Variants in CNPY1 observed in about 807,000 individuals in gnomAD.
CNPY1 encodes canopy FGF signaling regulator 1.
CNPY1 carries 14 observed loss-of-function variants against 14.4 expected under a neutral mutation model. That is an observed-to-expected ratio of 0.97 (90% CI 0.64 to 1.52). The LOEUF is 1.52. Ranked by LOEUF, CNPY1 falls within the 40% of genes most tolerant of loss-of-function variation. The probability of loss-of-function intolerance (pLI) is 0.00; values close to 1 mark genes in which losing one functional copy is unlikely to be tolerated. For missense variants in CNPY1, 129 were observed against 131.5 expected (o/e 0.98, Z 0.09); for synonymous variants, 43 against 46.5 (o/e 0.92, Z 0.31).
intron 2 of CNPY1, among the ~76,000 whole-genome samples, chr7:155,537,856 C>A (rs1453528834): frequency 6.6e-6 from 1 of 151,912 alleles, no homozygotes; most frequent in Non-Finnish European, 1.5e-5. Context: ...TAAAAAAAAA[C>A]CTTCAAAACT....
intron 2 of CNPY1, 33 bp downstream of exon 2, chr7:155,545,798 T>C (rs1797150332): frequency 7.5e-6 from 3 of 398,388 alleles, no homozygotes; most frequent in Non-Finnish European, 1.3e-5. Flanking sequence ...ATATCCGCAA[T>C]TATACACTGG....
intron 2 of CNPY1, among the ~76,000 whole-genome samples, chr7:155,540,736 T>C (rs1232173487): frequency 1.3e-5 from 2 of 152,364 alleles, no homozygotes; most frequent in East Asian, 1.9e-4. Flanking sequence ...CTGGTCATCC[T>C]GTATCCAGTG....
At chr7:155,508,837 G>A in intron 3 of CNPY1, 57 bp downstream of exon 3, 1 of 1,572,138 alleles carries the variant, frequency 6.4e-7, no homozygotes. Context: ...CAACAAAAAA[G>A]AGTTCCAAAA....
chr7:155,516,063 T>C (rs1275964168), intron 2 of CNPY1, among the ~76,000 whole-genome samples: 4 of 152,092 alleles, frequency 2.6e-5, no homozygotes, highest in Admixed American at 6.5e-5. Context: ...ATGCACCCTG[T>C]CTATTGCTTT....
rs1472154273 is a variant in CNPY1 at position 155,523,208 on chromosome 7, G to C, written c.100-14111C>G. ...AGATGCATTATGTATTTAGACTTTT[G>C]TGCAGCATCTAATACCAGGCTTGGG... On this transcript the variant is annotated intron_variant, in intron 2 of 4. Coordinates refer to ENST00000636446, the MANE Select transcript of CNPY1 (RefSeq NM_001393663.1). Among the ~76,000 whole-genome samples, 5 of 152,172 alleles carry C rather than the reference G, an allele frequency of 3.3e-5. No homozygotes were observed. In the East Asian group the frequency reaches 9.6e-4, roughly 29 times the overall value.
intron 2 of CNPY1, among the ~76,000 whole-genome samples, chr7:155,531,731 C>T (rs1024319126): frequency 6.6e-6 from 1 of 152,226 alleles, no homozygotes; most frequent in Non-Finnish European, 1.5e-5. Flanking sequence ...TCACACCAGG[C>T]AGACAGCAAA....
intron 2 of CNPY1, among the ~76,000 whole-genome samples, chr7:155,513,417 T>C (rs1048943672): frequency 1.3e-5 from 2 of 152,178 alleles, no homozygotes; most frequent in Non-Finnish European, 2.9e-5. Context: ...CCATAAGACC[T>C]TGGGGGGAAA....
chr7:155,513,613 C>CA (rs11463414), intron 2 of CNPY1, among the ~76,000 whole-genome samples: 38,465 of 144,968 alleles, frequency 0.27, 5,415 homozygotes, highest in East Asian at 0.46. Flanking sequence ...TTAGGTTGTT[C>CA]AAAAAAAAAA....
chr7:155,534,296 C>A (rs1440794922), intron 2 of CNPY1, among the ~76,000 whole-genome samples: 2 of 152,082 alleles, frequency 1.3e-5, no homozygotes, highest in Admixed American at 1.3e-4. Context: ...CACACACACT[C>A]ACACGTGCAT....
At chr7:155,510,174 G>C (rs1796491988) in intron 2 of CNPY1, 3 of 152,250 alleles carry the variant, frequency 2.0e-5, no homozygotes, top group Non-Finnish European at 1.5e-5. Context: ...AACCCTTCCG[G>C]TGCCAGCGGC....
chr7:155,544,159 G>T (rs901090205), intron 2 of CNPY1, among the ~76,000 whole-genome samples: 6 of 152,104 alleles, frequency 3.9e-5, no homozygotes, highest in African/African-American at 1.5e-4. Context: ...AAGGTACAAG[G>T]TGCTGCCATC....
At chr7:155,530,845 C>A (rs552600271) in intron 2 of CNPY1, among the ~76,000 whole-genome samples, 2 of 152,348 alleles carry the variant, frequency 1.3e-5, no homozygotes, top group Admixed American at 1.3e-4. Flanking sequence ...CACTGCATAC[C>A]AGGAGCCTCT....
At chr7:155,524,193 C>T (rs1796777934) in intron 2 of CNPY1, among the ~76,000 whole-genome samples, 1 of 152,218 alleles carries the variant, frequency 6.6e-6, no homozygotes, top group Admixed American at 6.5e-5. Flanking sequence ...TAATGGAGTC[C>T]AATGGCCCCC....
chr7:155,520,177 C>T (rs1442178043), intron 2 of CNPY1, among the ~76,000 whole-genome samples: 1 of 152,210 alleles, frequency 6.6e-6, no homozygotes, highest in Non-Finnish European at 1.5e-5. Flanking sequence ...AGCCAAATCA[C>T]ACTGTGAATT....
chr7:155,524,297 G>A (rs921761539), intron 2 of CNPY1, among the ~76,000 whole-genome samples: 1 of 152,214 alleles, frequency 6.6e-6, no homozygotes, highest in African/African-American at 2.4e-5. Context: ...TCCAAGATAC[G>A]AATGACAAAA....
At chr7:155,511,207 A>G (rs1280729558) in intron 2 of CNPY1, among the ~76,000 whole-genome samples, 1 of 152,176 alleles carries the variant, frequency 6.6e-6, no homozygotes, top group African/African-American at 2.4e-5. Flanking sequence ...GCCAGGAGGA[A>G]CCAGGGTCTG....
intron 2 of CNPY1, among the ~76,000 whole-genome samples, chr7:155,526,670 G>A (rs989175397): frequency 2.0e-5 from 3 of 152,284 alleles, no homozygotes; most frequent in South Asian, 2.1e-4. Flanking sequence ...AGGCAATAGC[G>A]AAATACCATC....
At chr7:155,518,115 C>T (rs1796656506) in intron 2 of CNPY1, among the ~76,000 whole-genome samples, 1 of 152,130 alleles carries the variant, frequency 6.6e-6, no homozygotes, top group Non-Finnish European at 1.5e-5. Context: ...CCTTCTCCTC[C>T]CATCCTCTCA....
intron 2 of CNPY1, among the ~76,000 whole-genome samples, chr7:155,520,203 C>T (rs557327548): frequency 1.3e-5 from 2 of 152,242 alleles, no homozygotes; most frequent in East Asian, 1.9e-4. Flanking sequence ...AATGGTCTCC[C>T]CTCTCGAAAG....
Sources: gnomAD v4.1 joint callset for allele counts (sites outside exome capture counted in the v4.1 genomes callset) on GRCh38, gnomAD v4.1.1 for gene constraint, MANE v1.5 for transcripts, NCBI Gene and HGNC (gene_info 2026-07-23, HGNC 2026-07-21) for gene names.